Variants in RSPH14 observed in about 807,000 individuals in gnomAD.
RSPH14 encodes rhabdoid tumor deletion region gene 1.
A neutral mutation model predicts 26.7 loss-of-function variants in RSPH14; 20 were observed. That is an observed-to-expected ratio of 0.75 (90% CI 0.53 to 1.09). The LOEUF (loss-of-function observed/expected upper bound fraction) is 1.09, where lower values mean the gene tolerates loss of function less well. Among genes scored for constraint, RSPH14 ranks in the 50% least tolerant of loss-of-function variants. RSPH14 has a pLI of 0.00. For synonymous variants in RSPH14, 177 were observed against 189.3 expected (o/e 0.93, Z 0.53); for missense variants, 449 against 457.2 (o/e 0.98, Z 0.16).
chr22:23,135,446 C>T lies in RSPH14; in HGVS notation c.303-1302G>A, dbSNP rs6003521. On this transcript the variant is annotated intron_variant, in intron 3 of 6. Coordinates refer to ENST00000216036, the MANE Select transcript of RSPH14 (RefSeq NM_014433.3). ...GGTGGAGCTTGCAGTGAGCCAAGAA[C>T]GCACAACTGCGCTCCAGCCTGGGTG... Among the ~76,000 whole-genome samples, 843 of 150,756 alleles carry T rather than the reference C, an allele frequency of 5.6e-3. 9 individuals are homozygous for T. Among genetic ancestry groups the T allele is most frequent in the African/African-American group, 0.019 (786 of 41,076 alleles).
intron 4 of RSPH14, among the ~76,000 whole-genome samples, chr22:23,085,141 G>A (rs181253570): frequency 9.9e-5 from 15 of 152,260 alleles, no homozygotes; most frequent in Admixed American, 6.5e-4. Flanking sequence ...GGCTAAGCCC[G>A]TCTGCTGCAT....
intron 4 of RSPH14, chr22:23,096,367 C>T (rs764449044): frequency 1.2e-6 from 2 of 1,613,254 alleles, no homozygotes; most frequent in Non-Finnish European, 1.7e-6. Context: ...CCATCATCTT[C>T]TGTGTGGAGC....
At chr22:23,107,468 G>C (rs1569179906) in intron 4 of RSPH14, among the ~76,000 whole-genome samples, 1 of 152,212 alleles carries the variant, frequency 6.6e-6, no homozygotes, top group Admixed American at 6.5e-5. Flanking sequence ...CAGGGCCTGA[G>C]AGTGTCTGAG....
intron 4 of RSPH14, among the ~76,000 whole-genome samples, chr22:23,126,347 G>A (rs900534507): frequency 3.9e-5 from 6 of 152,046 alleles, no homozygotes; most frequent in East Asian, 1.9e-4. Flanking sequence ...CTCTGGCCCC[G>A]TCCTCCCCTG....
At chr22:23,114,267 G>C (rs1264942976) in intron 4 of RSPH14, among the ~76,000 whole-genome samples, 3 of 152,184 alleles carry the variant, frequency 2.0e-5, no homozygotes, top group Non-Finnish European at 4.4e-5. Context: ...CTGAATTCAC[G>C]GTTCGGATGA....
chr22:23,094,572 G>A (rs2069071480), intron 4 of RSPH14, among the ~76,000 whole-genome samples: 1 of 152,182 alleles, frequency 6.6e-6, no homozygotes, highest in South Asian at 2.1e-4. Context: ...CTCAGCCCAA[G>A]CCCCCCTCTA....
intron 4 of RSPH14, among the ~76,000 whole-genome samples, chr22:23,081,056 A>C (rs185054183): frequency 2.6e-5 from 4 of 152,186 alleles, no homozygotes; most frequent in Non-Finnish European, 5.9e-5. Flanking sequence ...ATACTGTGTA[A>C]ACTGGTGGGC....
chr22:23,132,270 G>A (rs1236305326), intron 4 of RSPH14, among the ~76,000 whole-genome samples: 2 of 152,168 alleles, frequency 1.3e-5, no homozygotes, highest in Admixed American at 6.5e-5. Flanking sequence ...TCCACCTTGA[G>A]CTAAGGTATC....
chr22:23,158,314 A>G, the RSPH14 span, among the ~76,000 whole-genome samples: 3 of 152,336 alleles, frequency 2.0e-5, no homozygotes, highest in East Asian at 5.8e-4. Context: ...CTGCTTTAAT[A>G]CACTGCCTTT....
chr22:23,130,116 AAAGAAAGAAAGAAAGAAAG>A (rs2070304156), intron 4 of RSPH14, among the ~76,000 whole-genome samples: 1 of 112,490 alleles, frequency 8.9e-6, no homozygotes, highest in African/African-American at 3.1e-5. Context: ...AGAAAGAAAG[AAAGAAAGAAAGAAAGAAAG>A]AAAGAAAGAA....
the RSPH14 span, among the ~76,000 whole-genome samples, chr22:23,174,938 G>A: frequency 9.9e-3 from 1,505 of 151,486 alleles, 25 homozygotes; most frequent in African/African-American, 0.035. Context: ...TTGCACTGCA[G>A]CCTGGGCAAC....
intron 4 of RSPH14, among the ~76,000 whole-genome samples, chr22:23,079,238 G>A (rs1204364839): frequency 6.6e-6 from 1 of 152,250 alleles, no homozygotes; most frequent in Non-Finnish European, 1.5e-5. Context: ...GTGGCTGTGT[G>A]CGAATATGGG....
chr22:23,170,566 T>G, the RSPH14 span, among the ~76,000 whole-genome samples: 1 of 132,716 alleles, frequency 7.5e-6, no homozygotes, highest in African/African-American at 3.0e-5. Flanking sequence ...TTGGGCAACA[T>G]GGTGAAAAAA....
intron 5 of RSPH14, among the ~76,000 whole-genome samples, chr22:23,062,388 T>G (rs1038271757): frequency 1.3e-5 from 2 of 152,188 alleles, no homozygotes; most frequent in East Asian, 3.9e-4. Context: ...AGGTAACTTT[T>G]AGGCCACTTA....
intron 4 of RSPH14, among the ~76,000 whole-genome samples, chr22:23,091,622 C>T (rs1422777621): frequency 2.0e-5 from 3 of 151,802 alleles, no homozygotes; most frequent in South Asian, 2.1e-4. Flanking sequence ...GCATATGCAC[C>T]GCAATGGACC....
At chr22:23,152,613 T>G in the RSPH14 span, 1 of 1,283,250 alleles carries the variant, frequency 7.8e-7, no homozygotes, top group South Asian at 1.2e-5. Context: ...AATATCAACA[T>G]AGCAGAAATC....
intron 4 of RSPH14, chr22:23,095,908 C>T (rs1402407162): frequency 6.2e-7 from 1 of 1,613,726 alleles, no homozygotes; most frequent in Admixed American, 1.7e-5. Context: ...AGTACAAGCC[C>T]CTCATCATCT....
At chr22:23,157,896 C>T in the RSPH14 span, 3 of 1,588,404 alleles carry the variant, frequency 1.9e-6, no homozygotes, top group South Asian at 2.3e-5. Flanking sequence ...TGGGGGGCTG[C>T]CCTGGCAGTT....
chr22:23,130,271 C>T (rs1220387029), intron 4 of RSPH14, among the ~76,000 whole-genome samples: 3 of 149,882 alleles, frequency 2.0e-5, no homozygotes, highest in Admixed American at 6.6e-5. Flanking sequence ...CTGGCTAACA[C>T]GGTGAAACCC....
Sources: gnomAD v4.1 joint callset for allele counts (sites outside exome capture counted in the v4.1 genomes callset) on GRCh38, gnomAD v4.1.1 for gene constraint, MANE v1.5 for transcripts, NCBI Gene and HGNC (gene_info 2026-07-23, HGNC 2026-07-21) for gene names.